Variants in INPP5A observed in about 807,000 individuals in gnomAD.
INPP5A encodes inositol polyphosphate-5-phosphatase A, also known as 43 kDa inositol polyphosphate 5-phophatase.
Under a neutral mutation model 65.2 loss-of-function variants are expected in INPP5A, and 14 were observed. The observed-to-expected ratio is 0.21, with a 90% CI of 0.14 to 0.34. The LOEUF is 0.34. INPP5A is among the 10% of genes least tolerant of loss of function. The pLI, the probability that INPP5A is intolerant of heterozygous loss-of-function variation, is 1.00. For synonymous variants in INPP5A, 207 were observed against 208.3 expected (o/e 0.99, Z 0.05); for missense variants, 431 against 545.6 (o/e 0.79, Z 2.09).
At chr10:132,681,526 C>G (rs527721848) in intron 4 of INPP5A, among the ~76,000 whole-genome samples, 3 of 152,182 alleles carry the variant, frequency 2.0e-5, no homozygotes, top group South Asian at 4.1e-4. Context: ...TAACACTCAC[C>G]GCGAGGGTCC....
At chr10:132,713,012 T>C (rs1289808753) in intron 8 of INPP5A, among the ~76,000 whole-genome samples, 1 of 147,926 alleles carries the variant, frequency 6.8e-6, no homozygotes, top group Non-Finnish European at 1.5e-5. Context: ...GCATGTGTGC[T>C]GGGGTGTATG....
Position 132,551,659 on chromosome 10 carries a change from C to G in INPP5A, c.75+13488C>G, listed in dbSNP as rs766340607. On this transcript the variant is annotated intron_variant, in intron 1 of 15. Coordinates refer to ENST00000368594, the MANE Select transcript of INPP5A (RefSeq NM_005539.5). The surrounding 1 kb of genome is among the most constrained non-coding windows in gnomAD (Gnocchi z 5.3). ...TTTGCTGTAACGGCTGTGCCTCCCT[C>G]GCTGCTGCAGTGGGCAGTGTGTGCG... Among the ~76,000 whole-genome samples the G allele has an allele frequency of 7.9e-5, 12 of 152,176 alleles. No individual in the cohort carries two copies. Among genetic ancestry groups the G allele is most frequent in the Non-Finnish European group, 1.6e-4 (11 of 68,030 alleles).
At chr10:132,610,497 A>C (rs899959901) in intron 2 of INPP5A, among the ~76,000 whole-genome samples, 1 of 152,244 alleles carries the variant, frequency 6.6e-6, no homozygotes, top group African/African-American at 2.4e-5. Flanking sequence ...GCCCTGGGAC[A>C]TGTGACCTGA....
At chr10:132,563,420 A>T (rs1018278145) in intron 1 of INPP5A, among the ~76,000 whole-genome samples, 4 of 152,222 alleles carry the variant, frequency 2.6e-5, no homozygotes, top group African/African-American at 9.6e-5. Context: ...ACCAGCTGTG[A>T]TTAAATCAAG....
chr10:132,710,800 T>C (rs1172255528), intron 8 of INPP5A, among the ~76,000 whole-genome samples: 1 of 112,040 alleles, frequency 8.9e-6, no homozygotes, highest in East Asian at 2.9e-4. Context: ...GGTATAGGTA[T>C]GGGTGGAGAG....
chr10:132,605,992 G>A (rs1419500871), intron 1 of INPP5A, among the ~76,000 whole-genome samples: 2 of 152,190 alleles, frequency 1.3e-5, no homozygotes, highest in Non-Finnish European at 2.9e-5. Flanking sequence ...TCATATCCAC[G>A]GTTTAAATGA....
In INPP5A at chr10:132,741,631, C is replaced by G. The variant is rs11146488; in HGVS notation, c.733-7886C>G. 6.6e-6 allele frequency among the ~76,000 whole-genome samples: 1 copy of G among 152,150 alleles called. No homozygotes were observed. Among genetic ancestry groups the G allele is most frequent in the South Asian group, 2.1e-4 (1 of 4,828 alleles). On this transcript the variant is annotated intron_variant, in intron 9 of 15. Transcript: ENST00000368594. This position sits in a 1 kb window ranked among gnomAD's most constrained non-coding sequence, Gnocchi z 4.4. ...ACCCCGGCCCTCGTCACACCCAGAACAGGATACCCCGGAATGAAGGTGGAC... is the reference window on the plus strand; with the variant it reads ...ACCCCGGCCCTCGTCACACCCAGAAGAGGATACCCCGGAATGAAGGTGGAC...
intron 4 of INPP5A, among the ~76,000 whole-genome samples, chr10:132,656,565 G>T (rs561851696): frequency 1.5e-3 from 234 of 152,312 alleles, no homozygotes; most frequent in African/African-American, 5.3e-3. Context: ...GGGGTTGGAG[G>T]AGCGGCTGGG....
At chr10:132,608,240 G>T (rs1323272702) in intron 2 of INPP5A, among the ~76,000 whole-genome samples, 1 of 152,232 alleles carries the variant, frequency 6.6e-6, no homozygotes, top group Non-Finnish European at 1.5e-5. Context: ...CAGAGAACCT[G>T]GGGGCTCCCT....
In INPP5A at chr10:132,579,821, C is replaced by A. The variant is rs190431690; in HGVS notation, c.76-28094C>A. Among the ~76,000 whole-genome samples the A allele has an allele frequency of 1.8e-4, 27 of 152,060 alleles. No homozygotes were observed. The East Asian group carries it at 4.6e-3, about 26-fold the overall frequency. ...ACAGGGCCCTATTTTCGTCTGACCCCTGCTTCGTCATCCACCTGCCTCTCC... is the reference window on the plus strand; with the variant it reads ...ACAGGGCCCTATTTTCGTCTGACCCATGCTTCGTCATCCACCTGCCTCTCC... On this transcript the variant is annotated intron_variant, in intron 1 of 15. Transcript: ENST00000368594.
In INPP5A at chr10:132,559,209, T is replaced by C. The variant is rs576757737; in HGVS notation, c.75+21038T>C. Among the ~76,000 whole-genome samples the C allele has an allele frequency of 7.0e-3, 1,061 of 152,322 alleles. 7 individuals carry two copies. Among genetic ancestry groups the C allele is most frequent in the Non-Finnish European group, 0.012 (834 of 68,012 alleles). On this transcript the variant is annotated intron_variant, in intron 1 of 15. Transcript: ENST00000368594. ...GGGGCCGTCGGTGGCTTCGGAGCTG[T>C]GGCAGCTCTCTTAGGGCCAGCTCCA...
At chr10:132,720,003 G>T (rs565736310) in intron 8 of INPP5A, among the ~76,000 whole-genome samples, 1 of 151,290 alleles carries the variant, frequency 6.6e-6, no homozygotes, top group Non-Finnish European at 1.5e-5. Context: ...TCAGGGTTCT[G>T]TGGTGCCTGG....
rs1486293513 is a variant in INPP5A at position 132,727,766 on chromosome 10, A to C, written c.732+861A>C. On this transcript the variant is annotated intron_variant, in intron 9 of 15. Coordinates refer to ENST00000368594, the MANE Select transcript of INPP5A (RefSeq NM_005539.5). The surrounding 1 kb of genome is among the most constrained non-coding windows in gnomAD (Gnocchi z 6.5). ...CCACAGCGGGGCCACAGTAAGTTGGATGGGGCCACGGTGAGTCAGATGGGG... is the reference window on the plus strand; with the variant it reads ...CCACAGCGGGGCCACAGTAAGTTGGCTGGGGCCACGGTGAGTCAGATGGGG... Among the ~76,000 whole-genome samples the C allele has an allele frequency of 2.0e-5, 3 of 151,804 alleles. No homozygotes were observed. Among genetic ancestry groups the C allele is most frequent in the African/African-American group, 7.3e-5 (3 of 41,292 alleles).
chr10:132,582,970 G>A (rs1332138109), intron 1 of INPP5A, among the ~76,000 whole-genome samples: 1 of 152,202 alleles, frequency 6.6e-6, no homozygotes, highest in Non-Finnish European at 1.5e-5. Flanking sequence ...TCTGCAGAGT[G>A]CCTGCTGAGC....
chr10:132,640,854 C>T (rs908103630), intron 2 of INPP5A, among the ~76,000 whole-genome samples: 11 of 152,212 alleles, frequency 7.2e-5, no homozygotes, highest in African/African-American at 2.4e-4. Flanking sequence ...ACACAGTGTC[C>T]GTGGTCCTGT....
intron 1 of INPP5A, among the ~76,000 whole-genome samples, chr10:132,602,969 A>G (rs1229294532): frequency 6.6e-6 from 1 of 152,202 alleles, no homozygotes; most frequent in Non-Finnish European, 1.5e-5. Flanking sequence ...TGTGGTTTCA[A>G]GTCTTATGTT....
At chr10:132,578,563 G>A (rs1046090764) in intron 1 of INPP5A, among the ~76,000 whole-genome samples, 11 of 144,694 alleles carry the variant, frequency 7.6e-5, no homozygotes, top group Non-Finnish European at 1.4e-4. Flanking sequence ...GGACTGGAGG[G>A]GCTCTGTCAG....
intron 2 of INPP5A, among the ~76,000 whole-genome samples, chr10:132,619,616 T>C (rs1213412218): frequency 6.6e-6 from 1 of 152,206 alleles, no homozygotes; most frequent in African/African-American, 2.4e-5. Flanking sequence ...CCCTTGACAC[T>C]GCCCCTATAG....
intron 8 of INPP5A, among the ~76,000 whole-genome samples, chr10:132,715,950 TCCGCTGCCGTGAAGC>T (rs1446874296): frequency 6.6e-6 from 1 of 152,170 alleles, no homozygotes; most frequent in East Asian, 1.9e-4. Flanking sequence ...CCTCTGCCGT[TCCGCTGCCGTGAAGC>T]CCGCTGCCTC....
Sources: gnomAD v4.1 joint callset for allele counts (sites outside exome capture counted in the v4.1 genomes callset) on GRCh38, gnomAD v4.1.1 for gene constraint, Gnocchi (gnomAD v3.1) non-coding constraint, MANE v1.5 for transcripts, NCBI Gene and HGNC (gene_info 2026-07-23, HGNC 2026-07-21) for gene names.